The following CNTN4 variants were observed in gnomAD, a reference collection of about 807,000 sequenced individuals.
The protein encoded by CNTN4 is contactin-4.
Under a neutral mutation model 122.5 loss-of-function variants are expected in CNTN4, and 77 were observed. The ratio of observed to expected loss-of-function variants is 0.63; its 90% CI spans 0.52 to 0.76. The LOEUF (loss-of-function observed/expected upper bound fraction) is 0.76, where lower values mean the gene tolerates loss of function less well. Among genes scored for constraint, CNTN4 ranks in the 30% least tolerant of loss-of-function variants. The pLI is 0.00. For missense variants in CNTN4, 1,256 were observed against 1,259.1 expected, an observed-to-expected ratio of 1.00 and a Z score of 0.04; for synonymous variants, 512 against 447.0, an observed-to-expected ratio of 1.15 and a Z score of -1.83.
At chr3:2,372,591 A>G (rs910585656) in intron 3 of CNTN4, among the ~76,000 whole-genome samples, 3 of 152,220 alleles carry the variant, frequency 2.0e-5, no homozygotes, top group South Asian at 2.1e-4. Context: ...AATGTTTCCA[A>G]GTAAATTCAT....
intron 2 of CNTN4, among the ~76,000 whole-genome samples, chr3:2,116,711 G>A (rs2033378602): frequency 6.6e-6 from 1 of 152,112 alleles, no homozygotes. Context: ...TATGTGCATT[G>A]TGAAATGCAT....
intron 12 of CNTN4, among the ~76,000 whole-genome samples, chr3:2,903,566 C>A (rs556065117): frequency 1.3e-5 from 2 of 152,184 alleles, no homozygotes; most frequent in Non-Finnish European, 2.9e-5. Flanking sequence ...CTGAGTGCAT[C>A]GTCTGCCTGA....
chr3:2,507,605 G>A (rs1404332945), intron 3 of CNTN4, among the ~76,000 whole-genome samples: 6 of 151,552 alleles, frequency 4.0e-5, no homozygotes, highest in Non-Finnish European at 8.8e-5. Context: ...CATAGTGGCA[G>A]GCGCCTGTAA....
chr3:2,697,777 G>C (rs2086126997), intron 4 of CNTN4, among the ~76,000 whole-genome samples: 2 of 152,174 alleles, frequency 1.3e-5, no homozygotes, highest in Admixed American at 1.3e-4. Context: ...TGTCAAGTCT[G>C]AATTGCACAG....
chr3:2,992,670 T>C (rs2125321013), intron 14 of CNTN4, among the ~76,000 whole-genome samples: 1 of 152,326 alleles, frequency 6.6e-6, no homozygotes, highest in East Asian at 1.9e-4. Context: ...ATAACTATGT[T>C]AATAGCAACC....
At chr3:2,234,114 A>G (rs2039589678) in intron 2 of CNTN4, among the ~76,000 whole-genome samples, 1 of 152,070 alleles carries the variant, frequency 6.6e-6, no homozygotes, top group Admixed American at 6.6e-5. Flanking sequence ...CCAGTAATGG[A>G]TATGCATTTA....
chr3:2,514,857 C>CT (rs1208423947), intron 3 of CNTN4, among the ~76,000 whole-genome samples: 1 of 152,030 alleles, frequency 6.6e-6, no homozygotes, highest in Non-Finnish European at 1.5e-5. Context: ...CACTAGGATG[C>CT]TTTCATTTTT....
chr3:2,574,160 G>T (rs1176887777), intron 4 of CNTN4, among the ~76,000 whole-genome samples: 1 of 152,178 alleles, frequency 6.6e-6, no homozygotes, highest in East Asian at 1.9e-4. Flanking sequence ...AGGTTGCGGT[G>T]AGCCGAGATC....
intron 18 of CNTN4, among the ~76,000 whole-genome samples, chr3:3,038,585 C>T (rs1250200289): frequency 6.6e-6 from 1 of 152,202 alleles, no homozygotes; most frequent in Non-Finnish European, 1.5e-5. Context: ...TGTATCTCCA[C>T]GTGGCTCATA....
At chr3:2,360,560 A>G (rs2045089456) in intron 3 of CNTN4, among the ~76,000 whole-genome samples, 1 of 152,202 alleles carries the variant, frequency 6.6e-6, no homozygotes, top group Non-Finnish European at 1.5e-5. Flanking sequence ...TGGGTAATTT[A>G]TAAAGGAAAG....
chr3:2,301,493 C>T (rs1355784094), intron 2 of CNTN4, among the ~76,000 whole-genome samples: 1 of 152,210 alleles, frequency 6.6e-6, no homozygotes, highest in Admixed American at 6.5e-5. Flanking sequence ...AAGAATAAAT[C>T]TGTTCCCAGA....
chr3:2,746,812 G>A (rs890222876), intron 6 of CNTN4, among the ~76,000 whole-genome samples: 1 of 152,220 alleles, frequency 6.6e-6, no homozygotes, highest in East Asian at 1.9e-4. Context: ...AATGTCTCTT[G>A]AGATAGTCTT....
chr3:2,981,187 GTA>G (rs1368152879), intron 13 of CNTN4, among the ~76,000 whole-genome samples: 6 of 152,224 alleles, frequency 3.9e-5, no homozygotes, highest in African/African-American at 1.4e-4. Context: ...GCTCACGCCT[GTA>G]GTACCAGCAC....
In CNTN4 at chr3:2,878,559, G is replaced by C. The variant is rs867182243; in HGVS notation, c.653-4586G>C. 4.0e-3 allele frequency among the ~76,000 whole-genome samples: 464 copies of C among 117,272 alleles called. 2 individuals carry two copies. The highest frequency in any genetic ancestry group is 0.016 in the African/African-American group (434 of 26,718). The allele number at this position is 117,272 out of a possible 152,430, so 76.9% of individuals were successfully genotyped here. Reference sequence around the variant, plus strand: ...ACAACAGAAGAGATGCTCTCTGTGTGTGTGTGTGTGTGTGTGTGTGTGTGT... The same window carrying C: ...ACAACAGAAGAGATGCTCTCTGTGTCTGTGTGTGTGTGTGTGTGTGTGTGT... On this transcript the variant is annotated intron_variant, in intron 8 of 24. Transcript: ENST00000418658.
chr3:2,554,374 C>T (rs1223062686), intron 3 of CNTN4, among the ~76,000 whole-genome samples: 5 of 151,778 alleles, frequency 3.3e-5, no homozygotes, highest in Non-Finnish European at 5.9e-5. Context: ...TTGCTTAGTC[C>T]ACATTTCACT....
chr3:3,032,960 C>T (rs1156997947), intron 16 of CNTN4, among the ~76,000 whole-genome samples: 1 of 152,114 alleles, frequency 6.6e-6, no homozygotes, highest in Admixed American at 6.5e-5. Context: ...ACAAACAAAT[C>T]CAGGAAACTA....
intron 8 of CNTN4, 37 bp from the exon 9 acceptor site, chr3:2,883,108 A>G: frequency 1.4e-6 from 2 of 1,435,422 alleles, no homozygotes; most frequent in Admixed American, 1.7e-5. Context: ...ACATTTTAAA[A>G]GAATCTCCAA....
At chr3:2,648,824 G>T (rs1342195239) in intron 4 of CNTN4, among the ~76,000 whole-genome samples, 2 of 152,192 alleles carry the variant, frequency 1.3e-5, no homozygotes, top group Non-Finnish European at 2.9e-5. Context: ...TGCGCCAAAT[G>T]GTTGGCTAAG....
chr3:2,187,015 G>T (rs1337520111), intron 2 of CNTN4, among the ~76,000 whole-genome samples: 2 of 152,158 alleles, frequency 1.3e-5, no homozygotes, highest in Non-Finnish European at 2.9e-5. Flanking sequence ...CCTATGTCCT[G>T]AATGGTATTG....
Sources: gnomAD v4.1 joint callset for allele counts (sites outside exome capture counted in the v4.1 genomes callset) on GRCh38, gnomAD v4.1.1 for gene constraint, MANE v1.5 for transcripts, NCBI Gene and HGNC (gene_info 2026-07-23, HGNC 2026-07-21) for gene names.